The following TACR3 variants were observed in gnomAD, a reference collection of about 807,000 sequenced individuals.
The protein encoded by TACR3 is neuromedin-K receptor.
A neutral mutation model predicts 35.0 loss-of-function variants in TACR3; 34 were observed. The ratio of observed to expected loss-of-function variants is 0.97; its 90% CI spans 0.74 to 1.30. The LOEUF (loss-of-function observed/expected upper bound fraction) is 1.30. TACR3 is among the 50% of genes most tolerant of loss of function. The pLI is 0.00. For synonymous variants in TACR3, 233 were observed against 221.1 expected (o/e 1.05, Z -0.48); for missense variants, 558 against 591.7 (o/e 0.94, Z 0.59).
chr4:103,589,466 A>AC lies in TACR3; in HGVS notation c.*215_*216insG. On this transcript the variant is annotated 3_prime_UTR_variant, in exon 5 of 5. Coordinates refer to ENST00000304883, the MANE Select transcript of TACR3 (RefSeq NM_001059.3). ...TATAATAATTTAGAGTTTTCAAAGA[A>AC]TAAATTTAAAGCCCATTTTATTTTG... The AC allele has an allele frequency of 1.8e-6, 1 of 546,492 alleles. No homozygotes were observed. The highest frequency in any genetic ancestry group is 3.2e-6 in the Non-Finnish European group (1 of 309,892). The allele number at this position is 546,492 out of a possible 1,614,324, so 33.9% of individuals were successfully genotyped here. A position where few individuals can be genotyped will look rare whatever the true frequency, so the allele number is the denominator to read the frequency against.
At chr4:103,646,863 A>C (rs1408090097) in intron 3 of TACR3, among the ~76,000 whole-genome samples, 1 of 152,012 alleles carries the variant, frequency 6.6e-6, no homozygotes, top group African/African-American at 2.4e-5. Context: ...TCTAAGAAGC[A>C]TTACAAATGA....
At chr4:103,682,924 T>C (rs571338812) in intron 1 of TACR3, among the ~76,000 whole-genome samples, 7 of 152,274 alleles carry the variant, frequency 4.6e-5, no homozygotes, top group Admixed American at 3.3e-4. Flanking sequence ...AGCTAACCGA[T>C]AGTGAGATGG....
chr4:103,681,919 T>C (rs1228022150), intron 1 of TACR3, among the ~76,000 whole-genome samples: 2 of 152,006 alleles, frequency 1.3e-5, no homozygotes, highest in Admixed American at 6.6e-5. Flanking sequence ...TAGATAATAA[T>C]GGAATTAAAC....
At chr4:103,597,118 G>C (rs1724047289) in intron 3 of TACR3, among the ~76,000 whole-genome samples, 1 of 150,260 alleles carries the variant, frequency 6.7e-6, no homozygotes, top group African/African-American at 2.4e-5. Flanking sequence ...TATATACCCA[G>C]TAATGGGAAG....
chr4:103,707,879 C>G (rs960049895), intron 1 of TACR3, among the ~76,000 whole-genome samples: 1 of 152,178 alleles, frequency 6.6e-6, no homozygotes, highest in Non-Finnish European at 1.5e-5. Flanking sequence ...CAGAGGGTCC[C>G]ACACCCAAGG....
chr4:103,679,294 G>C (rs180802433), intron 1 of TACR3, among the ~76,000 whole-genome samples: 1 of 152,164 alleles, frequency 6.6e-6, no homozygotes, highest in Non-Finnish European at 1.5e-5. Context: ...GAGTAGAACT[G>C]TGTGTATTTC....
At chr4:103,648,703 T>A (rs1725512966) in intron 3 of TACR3, among the ~76,000 whole-genome samples, 1 of 152,130 alleles carries the variant, frequency 6.6e-6, no homozygotes, top group Non-Finnish European at 1.5e-5. Context: ...GACATTTAGG[T>A]TGCTTCCAAG....
At chr4:103,675,225 G>A (rs1726143140) in intron 1 of TACR3, among the ~76,000 whole-genome samples, 1 of 152,054 alleles carries the variant, frequency 6.6e-6, no homozygotes, top group Admixed American at 6.6e-5. Flanking sequence ...TCCTCATAAT[G>A]AGTTTCCCTG....
rs189558744 is a variant in TACR3, at chr4:103,676,005, T to C, written c.549-17602A>G. ...CCACTCAGATACAGAATAATCACTCTGAATTATTTCCTTTCTATTCTTCCA... is the reference window on the plus strand; with the variant it reads ...CCACTCAGATACAGAATAATCACTCCGAATTATTTCCTTTCTATTCTTCCA... On this transcript the variant is annotated intron_variant, in intron 1 of 4. Transcript: ENST00000304883. Among the ~76,000 whole-genome samples, 6 of 152,330 alleles carry C rather than the reference T, an allele frequency of 3.9e-5. No homozygotes were observed. In the East Asian group the frequency reaches 1.2e-3, roughly 29 times the overall value.
At chr4:103,665,120 G>A (rs1725909745) in intron 1 of TACR3, among the ~76,000 whole-genome samples, 1 of 151,800 alleles carries the variant, frequency 6.6e-6, no homozygotes, top group African/African-American at 2.4e-5. Flanking sequence ...GCCCATAACT[G>A]TCTTAGACAA....
intron 3 of TACR3, among the ~76,000 whole-genome samples, chr4:103,596,503 G>T (rs1724019947): frequency 6.6e-6 from 1 of 152,098 alleles, no homozygotes; most frequent in Admixed American, 6.6e-5. Context: ...GTTGGTACAG[G>T]ATTGATTCTT....
At chr4:103,654,985 G>T (rs1292538415) in intron 3 of TACR3, among the ~76,000 whole-genome samples, 1 of 152,080 alleles carries the variant, frequency 6.6e-6, no homozygotes, top group Non-Finnish European at 1.5e-5. Context: ...AGGCCATTTG[G>T]TTGTTTGTGC....
chr4:103,619,650 T>C (rs1200281923), intron 3 of TACR3, among the ~76,000 whole-genome samples: 1 of 151,562 alleles, frequency 6.6e-6, no homozygotes, highest in Non-Finnish European at 1.5e-5. Context: ...ATGTTGGTTG[T>C]GGGTCCGTTA....
intron 1 of TACR3, among the ~76,000 whole-genome samples, chr4:103,695,713 G>C (rs35518418): frequency 0.16 from 17,648 of 112,866 alleles, 1,091 homozygotes; most frequent in African/African-American, 0.29. Flanking sequence ...CTCTCTCTCT[G>C]TGTGTGTGTG....
At chr4:103,604,703 A>T (rs907423656) in intron 3 of TACR3, among the ~76,000 whole-genome samples, 4 of 152,138 alleles carry the variant, frequency 2.6e-5, no homozygotes, top group Admixed American at 2.0e-4. Flanking sequence ...GAAAAAAAAC[A>T]CCACCATCAA....
intron 1 of TACR3, among the ~76,000 whole-genome samples, chr4:103,685,713 C>CA (rs1361948829): frequency 3.9e-5 from 6 of 152,166 alleles, no homozygotes; most frequent in African/African-American, 1.4e-4. Flanking sequence ...TCTTCTCCCC[C>CA]AAAACCGAAA....
At chr4:103,634,226 A>G (rs1218180678) in intron 3 of TACR3, among the ~76,000 whole-genome samples, 2 of 152,146 alleles carry the variant, frequency 1.3e-5, no homozygotes, top group Non-Finnish European at 1.5e-5. Flanking sequence ...AATGATATCA[A>G]TGGAATTTTC....
intron 1 of TACR3, among the ~76,000 whole-genome samples, chr4:103,663,771 A>G (rs752632988): frequency 7.9e-5 from 12 of 152,200 alleles, no homozygotes; most frequent in Non-Finnish European, 1.6e-4. Context: ...AATATTTTCT[A>G]TTTTGTAACT....
intron 3 of TACR3, among the ~76,000 whole-genome samples, chr4:103,594,616 T>G (rs1050704644): frequency 6.6e-6 from 1 of 152,188 alleles, no homozygotes; most frequent in South Asian, 2.1e-4. Flanking sequence ...AAACTCCCTA[T>G]GCACAAAATT....
Sources: allele counts gnomAD v4.1 joint callset (sites outside exome capture counted in the v4.1 genomes callset), GRCh38; gene constraint gnomAD v4.1.1; transcripts MANE v1.5; gene names NCBI Gene and HGNC (gene_info 2026-07-23, HGNC 2026-07-21).